PCGF3: variants seen among roughly 807,000 people sequenced by gnomAD.
PCGF3 encodes the protein polycomb group ring finger 3.
A neutral mutation model predicts 33.1 loss-of-function variants in PCGF3; 7 were observed. That is an observed-to-expected ratio of 0.21 (90% CI 0.12 to 0.40). The LOEUF is 0.40. Ranked by LOEUF, PCGF3 falls within the 10% of genes least tolerant of loss-of-function variation. The probability of loss-of-function intolerance (pLI) is 1.00; values close to 1 mark genes in which losing one functional copy is unlikely to be tolerated. For missense variants in PCGF3, 211 were observed against 313.3 expected, an observed-to-expected ratio of 0.67 and a Z score of 2.46; for synonymous variants, 153 against 121.3, an observed-to-expected ratio of 1.26 and a Z score of -1.72.
At chr4:766,235 G>C (rs1188069337) in exon 11 of PCGF3, 1 of 618,862 alleles carries the variant, frequency 1.6e-6, no homozygotes, top group African/African-American at 1.8e-5. Context: ...CACTCAACAA[G>C]ACACTACCAG....
chr4:762,483 G>C (rs4234854), intron 9 of PCGF3: 43,866 of 152,178 alleles, frequency 0.29, 6,488 homozygotes, highest in Middle Eastern at 0.35. Flanking sequence ...GTTAGGGCCT[G>C]GGGGAGGCGC....
chr4:715,411 T>G (rs1742775941), intron 1 of PCGF3, among the ~76,000 whole-genome samples: 1 of 136,520 alleles, frequency 7.3e-6, no homozygotes, highest in South Asian at 2.4e-4. Flanking sequence ...CTGTAGACAC[T>G]GAGTGTGAGC....
intron 7 of PCGF3, among the ~76,000 whole-genome samples, chr4:744,185 A>C (rs1744214582): frequency 6.6e-6 from 1 of 152,152 alleles, no homozygotes; most frequent in Non-Finnish European, 1.5e-5. Context: ...TCCTGTCAGA[A>C]CCCTTTTACC....
chr4:742,036 T>C lies in PCGF3; in HGVS notation c.263-1438T>C, dbSNP rs370747944. Among the ~76,000 whole-genome samples, 7 of 152,274 alleles carry C rather than the reference T, an allele frequency of 4.6e-5. No individual in the cohort carries two copies. In the East Asian group the frequency reaches 9.6e-4, roughly 21 times the overall value. On this transcript the variant is annotated intron_variant, in intron 6 of 10. Coordinates refer to ENST00000362003, the Ensembl canonical transcript of PCGF3. The stretch of plus-strand genomic sequence containing the variant: ...GCTGCTCTCAGATTCTCCAGGCTAA[T>C]CTTTCAGCATTTCCCTTGTGAGGCT...
chr4:742,454 C>T (rs1744136180), intron 6 of PCGF3, among the ~76,000 whole-genome samples: 1 of 152,222 alleles, frequency 6.6e-6, no homozygotes, highest in East Asian at 1.9e-4. Context: ...GGTCACGTAG[C>T]ACATACGTTA....
At chr4:707,898 C>T (rs138704939) in intron 1 of PCGF3, among the ~76,000 whole-genome samples, 4 of 83,600 alleles carry the variant, frequency 4.8e-5, no homozygotes, top group African/African-American at 8.0e-5. Flanking sequence ...CTGAGACAGC[C>T]CTGTTTTCCC....
rs1743091793 is a variant in PCGF3 at position 721,861 on chromosome 4, G to A, written c.-189-8769G>A. Among the ~76,000 whole-genome samples the A allele has an allele frequency of 6.8e-6, 1 of 148,092 alleles. No individual in the cohort carries two copies. The highest frequency in any genetic ancestry group is 6.7e-5 in the Admixed American group (1 of 15,008). The stretch of plus-strand genomic sequence containing the variant: ...TGCATGTGGGTGTGGAAAGAGGCCT[G>A]TGGGAGACTGGTGGATGGGTGGCTC... On this transcript the variant is annotated intron_variant, in intron 1 of 10. Coordinates refer to ENST00000362003, the Ensembl canonical transcript of PCGF3. The surrounding 1 kb of genome is among the most constrained non-coding windows in gnomAD (Gnocchi z 4.1).
rs907001059 is a variant in PCGF3, at chr4:750,339, C to T, written c.462+5651C>T. On this transcript the variant is annotated intron_variant, in intron 8 of 10. Transcript: ENST00000362003. ...GGGCGGTCAGGGAGTGTTGTCTACA[C>T]GGATCTCTGCCTTGGGGGATTGAGA... Among the ~76,000 whole-genome samples, 15 of 152,304 alleles carry T rather than the reference C, an allele frequency of 9.8e-5. 2 individuals are homozygous for T. The highest frequency in any genetic ancestry group is 6.5e-5 in the Admixed American group (1 of 15,292).
chr4:718,867 TGTCTTTCGA>T (rs1427298475), intron 1 of PCGF3, among the ~76,000 whole-genome samples: 1 of 152,244 alleles, frequency 6.6e-6, no homozygotes, highest in Non-Finnish European at 1.5e-5. Flanking sequence ...GGATGCTTAC[TGTCTTTCGA>T]GTCATGGACC....
Position 720,662 on chromosome 4 carries a change from G to A in PCGF3, c.-189-9968G>A, listed in dbSNP as rs991582902. Among the ~76,000 whole-genome samples, 4 of 151,160 alleles carry A rather than the reference G, an allele frequency of 2.6e-5. No individual in the cohort carries two copies. The highest frequency in any genetic ancestry group is 4.4e-5 in the Non-Finnish European group (3 of 67,764). On this transcript the variant is annotated intron_variant, in intron 1 of 10. Coordinates refer to ENST00000362003, the Ensembl canonical transcript of PCGF3. This position sits in a 1 kb window ranked among gnomAD's most constrained non-coding sequence, Gnocchi z 5.6. ...GGACCCGGGGTGGACGGGCGGTGACGTGCGTGTGGACCCGGGGTGGACGGG... is the reference window on the plus strand; with the variant it reads ...GGACCCGGGGTGGACGGGCGGTGACATGCGTGTGGACCCGGGGTGGACGGG...
chr4:769,804 GA>G (rs1274437247), exon 11 of PCGF3: 1 of 152,710 alleles, frequency 6.5e-6, no homozygotes, highest in Non-Finnish European at 1.5e-5. Context: ...TTGGGTTGGG[GA>G]AGACAGTGCA....
chr4:734,736 A>G (rs555304975), intron 4 of PCGF3, 195 bp from the exon 5 acceptor site: 99 of 1,370,288 alleles, frequency 7.2e-5, no homozygotes, highest in Middle Eastern at 5.5e-4. Context: ...TGACGGGGCA[A>G]TTAAAACCTT....
chr4:709,756 A>G (rs916559508), intron 1 of PCGF3, among the ~76,000 whole-genome samples: 2 of 152,214 alleles, frequency 1.3e-5, no homozygotes, highest in African/African-American at 2.4e-5. Flanking sequence ...CTTCTTGGTT[A>G]CTTAGGAGAA....
chr4:769,647 C>T (rs1401056254), exon 11 of PCGF3: 3 of 152,582 alleles, frequency 2.0e-5, no homozygotes, highest in Non-Finnish European at 4.4e-5. Flanking sequence ...TCTCCCTCAC[C>T]CTCCAGGTGT....
intron 1 of PCGF3, among the ~76,000 whole-genome samples, chr4:715,826 G>C (rs376677654): frequency 7.9e-5 from 6 of 75,910 alleles, no homozygotes; most frequent in Admixed American, 1.3e-4. Context: ...AACTGGGCGT[G>C]GGTGCTGGGA....
intron 1 of PCGF3, among the ~76,000 whole-genome samples, chr4:718,059 A>T (rs1040955570): frequency 3.3e-5 from 5 of 152,142 alleles, no homozygotes; most frequent in Admixed American, 3.3e-4. Flanking sequence ...AGGGGGGCCC[A>T]GTGTGAGGGA....
At chr4:763,891 C>T (rs1409724535) in intron 9 of PCGF3, among the ~76,000 whole-genome samples, 3 of 152,320 alleles carry the variant, frequency 2.0e-5, no homozygotes, top group East Asian at 1.9e-4. Context: ...AATGAGCAGT[C>T]GGGCCAAGAG....
chr4:737,565 GC>G, intron 6 of PCGF3, 44 bp downstream of exon 6: 1 of 1,233,346 alleles, frequency 8.1e-7, no homozygotes, highest in Non-Finnish European at 1.2e-6. Context: ...TCCCAGCCTG[GC>G]CTCTGCAGCC....
At chr4:707,486 C>G (rs182090711) in intron 1 of PCGF3, among the ~76,000 whole-genome samples, 2 of 144,312 alleles carry the variant, frequency 1.4e-5, no homozygotes, top group African/African-American at 5.4e-5. Flanking sequence ...CCCTGGGGGC[C>G]GGGACCCTGG....
Sources: gnomAD v4.1 joint callset for allele counts (sites outside exome capture counted in the v4.1 genomes callset) on GRCh38, gnomAD v4.1.1 for gene constraint, Gnocchi (gnomAD v3.1) non-coding constraint, MANE v1.5 for transcripts, NCBI Gene and HGNC (gene_info 2026-07-23, HGNC 2026-07-21) for gene names.